Variants in RNFT1 observed in about 807,000 individuals in gnomAD.
The protein encoded by RNFT1 is E3 ubiquitin-protein ligase RNFT1.
Under a neutral mutation model 53.2 loss-of-function variants are expected in RNFT1, and 35 were observed. The observed-to-expected ratio is 0.66, with a 90% CI of 0.50 to 0.87. The LOEUF (loss-of-function observed/expected upper bound fraction) is 0.87. RNFT1 is among the 40% of genes least tolerant of loss of function. The probability of loss-of-function intolerance (pLI) is 0.00; values close to 1 mark genes in which losing one functional copy is unlikely to be tolerated. For missense variants in RNFT1, 421 were observed against 515.0 expected (o/e 0.82, Z 1.77); for synonymous variants, 141 against 172.8 (o/e 0.82, Z 1.44).
chr17:59,962,997 A>G lies in RNFT1; in HGVS notation c.344T>C (p.Leu115Ser). The change falls in exon 2 of 9, where the codon TTA becomes TCA. Residue 115 changes from leucine (L) to serine (S), a missense_variant. Coordinates refer to ENST00000305783, the MANE Select transcript of RNFT1 (RefSeq NM_016125.4). ...TGCTTCACTGTGGGAGTGACCCCGT[A>G]AGCGACTGTGTACACATCCATGGGC... ...SCAHGCVHSR[L>S]RGHSHSEARL... 2 of 1,614,238 alleles carry G rather than the reference A, an allele frequency of 1.2e-6. No individual in the cohort carries two copies. Among genetic ancestry groups the G allele is most frequent in the Non-Finnish European group, 1.7e-6 (2 of 1,180,038 alleles).
At chr17:59,955,513 T>A (rs1308228241) in intron 7 of RNFT1, among the ~76,000 whole-genome samples, 1 of 152,174 alleles carries the variant, frequency 6.6e-6, no homozygotes, top group African/African-American at 2.4e-5. Flanking sequence ...TCGGCACAAA[T>A]CTTACAAGAC....
In RNFT1 at chr17:59,962,627, A is replaced by G. The variant is rs771944480; in HGVS notation, c.515-11T>C. The G allele has an allele frequency of 6.3e-7, 1 of 1,579,020 alleles. No homozygotes were observed. The highest frequency in any genetic ancestry group is 2.2e-5 in the East Asian group (1 of 44,568). On this transcript the variant is annotated splice_polypyrimidine_tract_variant and intron_variant, in intron 2 of 8. Coordinates refer to ENST00000305783, the MANE Select transcript of RNFT1 (RefSeq NM_016125.4). Reference sequence around the variant, plus strand: ...TTCCAAGAGAAATTCCTGTTAGAAAATAAGTTCCAGTTAATTGAAAGAAAA... The same window carrying G: ...TTCCAAGAGAAATTCCTGTTAGAAAGTAAGTTCCAGTTAATTGAAAGAAAA...
intron 7 of RNFT1, 49 bp from the exon 8 acceptor site, chr17:59,954,195 T>A: frequency 8.0e-7 from 1 of 1,243,346 alleles, no homozygotes; most frequent in East Asian, 2.4e-5. Context: ...TTCTTTCCTG[T>A]TCCTCAAATT....
rs548732122 is a variant in RNFT1 at position 59,960,001 on chromosome 17, G to A, written c.692+67C>T. The A allele has an allele frequency of 8.2e-6, 12 of 1,465,208 alleles. No individual in the cohort carries two copies. In the African/African-American group the frequency reaches 1.6e-4, roughly 19 times the overall value. The allele number at this position is 1,465,208 out of a possible 1,614,324, so 90.8% of individuals were successfully genotyped here. A position where few individuals can be genotyped will look rare whatever the true frequency, so the allele number is the denominator to read the frequency against. ...ATACAATAAGTACTATGTGAAGTAA[G>A]ATACAAAGTGCTATGAAATATATGA... On this transcript the variant is annotated intron_variant, in intron 4 of 8. Transcript: ENST00000305783.
chr17:59,959,147 C>T (rs1184046435), intron 4 of RNFT1, among the ~76,000 whole-genome samples: 4 of 152,182 alleles, frequency 2.6e-5, no homozygotes, highest in African/African-American at 7.2e-5. Context: ...TACTTAGCCT[C>T]TCAAACTTAA....
intron 4 of RNFT1, chr17:59,958,651 T>C (rs967152791): frequency 1.1e-5 from 7 of 617,104 alleles, no homozygotes; most frequent in African/African-American, 3.6e-5. Context: ...CTTCCCTTCA[T>C]AGAATAAGGA....
intron 7 of RNFT1, among the ~76,000 whole-genome samples, chr17:59,954,470 A>C (rs180512): frequency 0.14 from 21,688 of 152,226 alleles, 1,694 homozygotes; most frequent in Middle Eastern, 0.19. Flanking sequence ...ATCTATAGCC[A>C]TGTATTATTT....
chr17:59,961,902 T>C (rs2045295430), intron 3 of RNFT1, among the ~76,000 whole-genome samples: 2 of 148,366 alleles, frequency 1.3e-5, no homozygotes, highest in Admixed American at 1.3e-4. Context: ...TTTTTTTTTT[T>C]TGAGATGGAG....
chr17:59,962,496 GGAGA>G (rs761004007), intron 3 of RNFT1, 40 bp downstream of exon 3: 12 of 1,229,320 alleles, frequency 9.8e-6, no homozygotes, highest in South Asian at 9.3e-5. Flanking sequence ...TAAAATCTAT[GGAGA>G]GAAACAGTTA....
chr17:59,956,561 G>A lies in RNFT1; in HGVS notation c.1006-8C>T, dbSNP rs528599074. 1.1e-5 allele frequency: 17 copies of A among 1,606,472 alleles called. No individual in the cohort carries two copies. In the African/African-American group the frequency reaches 2.1e-4, roughly 20 times the overall value. ...CCCAAAAAATTCCAAAAGCTGAAAA[G>A]AGAAATAAGAGATCATTTATTAATT... On this transcript the variant is annotated splice_region_variant and splice_polypyrimidine_tract_variant and intron_variant, in intron 6 of 8. Transcript: ENST00000305783.
chr17:59,953,193 T>G (rs1307167817), intron 8 of RNFT1, 82 bp from the exon 9 acceptor site: 7 of 810,466 alleles, frequency 8.6e-6, no homozygotes, highest in Non-Finnish European at 1.2e-5. Context: ...AGGGATTCTT[T>G]TTTTTTTTTT....
Position 59,960,142 on chromosome 17 carries a change from A to C in RNFT1, c.618T>G (p.Ala206=). 3 of 1,607,998 alleles carry C rather than the reference A, an allele frequency of 1.9e-6. No homozygotes were observed. In the South Asian group the frequency reaches 3.4e-5, roughly 18 times the overall value. ...ATCCTGCTAAGAATACCAGTAACCA[A>C]GCACACTGAATCTTTGAGGACCTTT... is the stretch of plus-strand genomic sequence containing the variant. ...LRERSSKIQC[A]WLLVFLAGSS... The change falls in exon 4 of 9, where the codon GCT becomes GCG. Residue 206 remains alanine, a synonymous_variant. Coordinates refer to ENST00000305783, the MANE Select transcript of RNFT1 (RefSeq NM_016125.4).
chr17:59,957,810 A>G (rs557555575), intron 5 of RNFT1, among the ~76,000 whole-genome samples: 2 of 152,186 alleles, frequency 1.3e-5, no homozygotes, highest in South Asian at 4.2e-4. Flanking sequence ...ACACCACTGC[A>G]CTCCAGCCTG....
chr17:59,961,468 A>G (rs1387699877), intron 3 of RNFT1, among the ~76,000 whole-genome samples: 1 of 152,214 alleles, frequency 6.6e-6, no homozygotes, highest in Non-Finnish European at 1.5e-5. Context: ...AGACATAGCC[A>G]TTTAAAGTTG....
chr17:59,963,312 A>G (rs1265573480), intron 1 of RNFT1, 28 bp from the exon 2 acceptor site: 7 of 1,576,460 alleles, frequency 4.4e-6, no homozygotes, highest in Non-Finnish European at 6.0e-6. Flanking sequence ...AGATATTCTA[A>G]GTAAACAGGC....
chr17:59,954,013 A>G, intron 8 of RNFT1, 32 bp downstream of exon 8: 1 of 1,331,998 alleles, frequency 7.5e-7, no homozygotes, highest in Non-Finnish European at 1.0e-6. Flanking sequence ...GAACTGTTGT[A>G]TTTAGGTTTT....
At chr17:59,957,511 T>G in intron 5 of RNFT1, 129 bp from the exon 6 acceptor site, 1 of 631,934 alleles carries the variant, frequency 1.6e-6, no homozygotes, top group Non-Finnish European at 2.5e-6. Flanking sequence ...ATCTTCATAA[T>G]GATTATGACT....
rs2045320368 is a variant in RNFT1 at position 59,964,540 on chromosome 17, C to G, written c.56+68G>C. On this transcript the variant is annotated intron_variant, in intron 1 of 8. Coordinates refer to ENST00000305783, the MANE Select transcript of RNFT1 (RefSeq NM_016125.4). Reference sequence around the variant, plus strand: ...CACGTCCGAGCCTCGAGTGCCTATTCTCCCCAGAGCCCCCTGCGCCGCGGC... The same window carrying G: ...CACGTCCGAGCCTCGAGTGCCTATTGTCCCCAGAGCCCCCTGCGCCGCGGC... The G allele has an allele frequency of 7.4e-6, 11 of 1,478,102 alleles. No individual in the cohort carries two copies. In the South Asian group the frequency reaches 1.4e-4, roughly 18 times the overall value. The allele number at this position is 1,478,102 out of a possible 1,614,324, so 91.6% of individuals were successfully genotyped here. A position where few individuals can be genotyped will look rare whatever the true frequency, so the allele number is the denominator to read the frequency against.
At chr17:59,960,239 C>G (rs1223707580) in intron 3 of RNFT1, 71 bp from the exon 4 acceptor site, 5 of 1,435,062 alleles carry the variant, frequency 3.5e-6, no homozygotes, top group Non-Finnish European at 4.7e-6. Context: ...AACTGTTTTA[C>G]TTTAATGACT....
Sources: allele counts gnomAD v4.1 joint callset (sites outside exome capture counted in the v4.1 genomes callset), GRCh38; gene constraint gnomAD v4.1.1; transcripts MANE v1.5; gene names NCBI Gene and HGNC (gene_info 2026-07-23, HGNC 2026-07-21).